The following MROH1 variants were observed in gnomAD, a reference collection of about 807,000 sequenced individuals.
MROH1 encodes the protein maestro heat-like repeat-containing protein family member 1.
A neutral mutation model predicts 116.5 loss-of-function variants in MROH1; 117 were observed. The ratio of observed to expected loss-of-function variants is 1.00; its 90% CI spans 0.86 to 1.17. The LOEUF (loss-of-function observed/expected upper bound fraction) is 1.17. Ranked by LOEUF, MROH1 falls within the 50% of genes most tolerant of loss-of-function variation. The pLI, the probability that MROH1 is intolerant of heterozygous loss-of-function variation, is 0.00. For synonymous variants in MROH1, 921 were observed against 583.9 expected, an observed-to-expected ratio of 1.58 and a Z score of -8.32; for missense variants, 1,873 against 1,338.5, an observed-to-expected ratio of 1.40 and a Z score of -6.23.
rs372586117 is a variant in MROH1 at position 144,190,812 on chromosome 8, G to A, written c.591G>A (p.Leu197=). The A allele has an allele frequency of 1.2e-6, 2 of 1,613,684 alleles. No individual in the cohort carries two copies. The highest frequency in any genetic ancestry group is 1.3e-5 in the African/African-American group (1 of 75,048). The change falls in exon 8 of 44, where the codon CTG becomes CTA. Residue 197 remains leucine, a synonymous_variant. Transcript: ENST00000326134. ...TGCAGCGCTTCAGCGAGGGTGCCCT[G>A]GAGTACCTAGCCAACCTGGACCGAG... ...SALQRFSEGA[L]EYLANLDRAP...
chr8:144,173,856 A>G (rs2131156335), intron 4 of MROH1, among the ~76,000 whole-genome samples: 1 of 152,258 alleles, frequency 6.6e-6, no homozygotes, highest in South Asian at 2.1e-4. Flanking sequence ...GAGCTCTTAC[A>G]CCACACCCAA....
chr8:144,183,228 A>T (rs1049677969), intron 7 of MROH1, among the ~76,000 whole-genome samples: 3 of 151,894 alleles, frequency 2.0e-5, no homozygotes, highest in African/African-American at 7.3e-5. Context: ...AAATATTTTT[A>T]AAAATTTGCC....
chr8:144,189,248 C>G (rs1274831771), intron 7 of MROH1, among the ~76,000 whole-genome samples: 1 of 152,140 alleles, frequency 6.6e-6, no homozygotes, highest in Non-Finnish European at 1.5e-5. Flanking sequence ...CAGCCCCTCC[C>G]CGTGCGGTGG....
In MROH1 at chr8:144,247,667, C is replaced by T. The variant is rs1842128547; in HGVS notation, c.3108C>T (p.His1036=). 28 of 766,820 alleles carry T rather than the reference C, an allele frequency of 3.7e-5. No individual in the cohort carries two copies. In the Middle Eastern group the frequency reaches 1.0e-3, roughly 27 times the overall value. 47.5% of individuals were successfully genotyped at this position (766,820 alleles called of 1,614,324 possible). The part of the protein sequence containing the change: ...PDPAILFHTC[H]SVGQIIAKRL... The stretch of plus-strand genomic sequence containing the variant: ...CCGCCATTCTCTTCCACACCTGCCA[C>T]AGTGTAGGCCAGGTACCAGCTGGGA... The change falls in exon 31 of 44, where the codon CAC becomes CAT. Residue 1036 remains histidine (H), a synonymous_variant. Coordinates refer to ENST00000326134, the MANE Select transcript of MROH1 (RefSeq NM_032450.3).
intron 12 of MROH1, among the ~76,000 whole-genome samples, chr8:144,205,661 G>A (rs1479730827): frequency 6.6e-6 from 1 of 152,024 alleles, no homozygotes; most frequent in Non-Finnish European, 1.5e-5. Context: ...CAGCATTTGC[G>A]TCAATTCTGT....
At chr8:144,213,391 G>A (rs1834587875) in intron 12 of MROH1, 2 of 339,482 alleles carry the variant, frequency 5.9e-6, no homozygotes, top group Non-Finnish European at 1.1e-5. Flanking sequence ...TTCCTTGAGT[G>A]TCTTAAGTTA....
intron 12 of MROH1, among the ~76,000 whole-genome samples, chr8:144,219,098 C>T (rs779786967): frequency 9.9e-5 from 15 of 151,294 alleles, no homozygotes; most frequent in Non-Finnish European, 1.3e-4. Flanking sequence ...TCTCAGCTCA[C>T]TGCAAGCTCT....
intron 35 of MROH1, among the ~76,000 whole-genome samples, chr8:144,258,568 C>T (rs1844366698): frequency 6.6e-6 from 1 of 152,190 alleles, no homozygotes; most frequent in African/African-American, 2.4e-5. Flanking sequence ...TAGCTCACCT[C>T]CAAGCCAACA....
At chr8:144,220,487 C>A in intron 12 of MROH1, 113 bp from the exon 13 acceptor site, 1 of 808,362 alleles carries the variant, frequency 1.2e-6, no homozygotes, top group Non-Finnish European at 1.9e-6. Context: ...TCCTTATGCT[C>A]CCTCTTCCTC....
chr8:144,261,594 C>T (rs1448537996), intron 43 of MROH1, 61 bp from the exon 44 acceptor site: 5 of 700,832 alleles, frequency 7.1e-6, no homozygotes, highest in East Asian at 2.7e-5. Flanking sequence ...GCGTGGCCCA[C>T]GCGCAGGCAT....
intron 14 of MROH1, 30 bp from the exon 15 acceptor site, chr8:144,238,726 C>T (rs1840464172): frequency 1.0e-5 from 8 of 766,884 alleles, no homozygotes; most frequent in Admixed American, 1.7e-5. Flanking sequence ...TGGCCGCCCA[C>T]GCACGCCTTT....
intron 12 of MROH1, among the ~76,000 whole-genome samples, chr8:144,201,805 G>C (rs1164766483): frequency 6.6e-6 from 1 of 152,040 alleles, no homozygotes; most frequent in Non-Finnish European, 1.5e-5. Flanking sequence ...TTGAAGTCAG[G>C]AGTTCAAGAC....
rs1168647235 is a variant in MROH1, at chr8:144,241,316, G to C, written c.2056-79G>C. ...CATGTGTGTACATGTGGGTGTGCCC[G>C]TGTCCACACGTGACAGTGTGCGTGC... On this transcript the variant is annotated intron_variant, in intron 21 of 43. Transcript: ENST00000326134. 6 of 713,460 alleles carry C rather than the reference G, an allele frequency of 8.4e-6. No homozygotes were observed. The African/African-American group carries it at 8.7e-5, about 10-fold the overall frequency. The allele number at this position is 713,460 out of a possible 1,614,324, so 44.2% of individuals were successfully genotyped here.
chr8:144,235,119 C>G (rs963259407), intron 14 of MROH1, among the ~76,000 whole-genome samples: 8 of 152,202 alleles, frequency 5.3e-5, no homozygotes, highest in Admixed American at 2.0e-4. Context: ...TGGTCTCAAA[C>G]TCCTGAGCTC....
Position 144,163,266 on chromosome 8 carries a change from G to A in MROH1, c.-56-505G>A, listed in dbSNP as rs1819995475. Among the ~76,000 whole-genome samples, 1 of 152,214 alleles carries A rather than the reference G, an allele frequency of 6.6e-6. No individual in the cohort carries two copies. The highest frequency in any genetic ancestry group is 2.1e-4 in the South Asian group (1 of 4,830). On this transcript the variant is annotated intron_variant, in intron 2 of 43. Coordinates refer to ENST00000326134, the MANE Select transcript of MROH1 (RefSeq NM_032450.3). This position sits in a 1 kb window ranked among gnomAD's most constrained non-coding sequence, Gnocchi z 4.4. ...ATGGTGGGCCTGCAGCCCCTCTGAT[G>A]ACGTAGGTCCTCAGAAAGCGTGACA...
At chr8:144,178,700 G>A (rs1172359810) in intron 4 of MROH1, among the ~76,000 whole-genome samples, 5 of 152,248 alleles carry the variant, frequency 3.3e-5, no homozygotes, top group Non-Finnish European at 4.4e-5. Context: ...AGGGGCCATG[G>A]TGGGTGCATC....
intron 3 of MROH1, among the ~76,000 whole-genome samples, chr8:144,164,523 G>A (rs1820323565): frequency 6.6e-6 from 1 of 151,926 alleles, no homozygotes; most frequent in African/African-American, 2.4e-5. Context: ...TCCTACCTCA[G>A]CCTCCCAAGT....
intron 8 of MROH1, among the ~76,000 whole-genome samples, chr8:144,191,166 T>C (rs1828490520): frequency 6.6e-6 from 1 of 152,184 alleles, no homozygotes; most frequent in African/African-American, 2.4e-5. Context: ...GCCTCTCTGC[T>C]TCAAGCGATT....
At position 144,180,106 on chromosome 8, in the gene MROH1, A is replaced by G. The variant is rs964544815; in HGVS notation, c.301-72A>G. ...GCTGAAAACAGCGTGCGCTTGTCCA[A>G]GGCTGGCAGCGACTGAGGGCAGAAT... On this transcript the variant is annotated intron_variant, in intron 5 of 43. Coordinates refer to ENST00000326134, the MANE Select transcript of MROH1 (RefSeq NM_032450.3). This position sits in a 1 kb window ranked among gnomAD's most constrained non-coding sequence, Gnocchi z 7.4. The G allele has an allele frequency of 6.3e-6, 10 of 1,579,894 alleles. No individual in the cohort carries two copies. The highest frequency in any genetic ancestry group is 8.7e-6 in the Non-Finnish European group (10 of 1,155,548).
Sources: gnomAD v4.1 joint callset for allele counts (sites outside exome capture counted in the v4.1 genomes callset) on GRCh38, gnomAD v4.1.1 for gene constraint, Gnocchi (gnomAD v3.1) non-coding constraint, MANE v1.5 for transcripts, NCBI Gene and HGNC (gene_info 2026-07-23, HGNC 2026-07-21) for gene names.